Variants in ZCCHC8 observed in about 807,000 individuals in gnomAD.
ZCCHC8 encodes the protein zinc finger CCHC-type containing 8, also known as zinc finger CCHC domain-containing protein 8.
In ZCCHC8, 27 loss-of-function variants were observed where a neutral mutation model predicts 70.6. The ratio of observed to expected loss-of-function variants is 0.38; its 90% CI spans 0.28 to 0.53. The LOEUF (loss-of-function observed/expected upper bound fraction) is 0.53. Ranked by LOEUF, ZCCHC8 falls within the 20% of genes least tolerant of loss-of-function variation. The pLI is 0.81. For synonymous variants in ZCCHC8, 293 were observed against 317.4 expected, an observed-to-expected ratio of 0.92 and a Z score of 0.82; for missense variants, 737 against 876.9, an observed-to-expected ratio of 0.84 and a Z score of 2.01.
At position 122,500,907 on chromosome 12, in the gene ZCCHC8, A is replaced by T. The variant is rs949561858; in HGVS notation, c.-67T>A. The T allele has an allele frequency of 1.5e-5, 22 of 1,503,828 alleles. No individual in the cohort carries two copies. The highest frequency in any genetic ancestry group is 1.8e-5 in the Non-Finnish European group (20 of 1,111,032). 93.2% of individuals were successfully genotyped at this position (1,503,828 alleles called of 1,614,324 possible). ...ACCAGGGCTTGGGGAAGAAGGTTGG[A>T]AGGCGGCACCACTCTCTAGAGCTCT... On this transcript the variant is annotated 5_prime_UTR_variant, in exon 1 of 14. Transcript: ENST00000633063. This position sits in a 1 kb window ranked among gnomAD's most constrained non-coding sequence, Gnocchi z 4.8.
At chr12:122,480,533 A>G (rs1236989911) in intron 10 of ZCCHC8, 5 of 359,628 alleles carry the variant, frequency 1.4e-5, no homozygotes, top group South Asian at 4.3e-5. Context: ...GTGCAGTGGC[A>G]CCATCTTGGC....
chr12:122,498,189 G>C (rs1041830738), intron 2 of ZCCHC8, among the ~76,000 whole-genome samples: 1 of 120,712 alleles, frequency 8.3e-6, no homozygotes, highest in African/African-American at 3.3e-5. Context: ...ACGGAGTTTC[G>C]CTCTTGTCAC....
rs147628688 is a variant in ZCCHC8, at chr12:122,482,471, C to A, written c.732+164G>T. ...ATTATTTACTGAAAAAATTTAATGTCTTAAAATATGAACACAAATTTGAAA... is the reference window on the plus strand; with the variant it reads ...ATTATTTACTGAAAAAATTTAATGTATTAAAATATGAACACAAATTTGAAA... On this transcript the variant is annotated intron_variant, in intron 8 of 13. Transcript: ENST00000633063. 1,422 of 488,678 alleles carry A rather than the reference C, an allele frequency of 2.9e-3. 35 individuals are homozygous for A. The East Asian group carries it at 0.044, about 15-fold the overall frequency. The allele number at this position is 488,678 out of a possible 1,614,324, so 30.3% of individuals were successfully genotyped here. A position where few individuals can be genotyped will look rare whatever the true frequency, so the allele number is the denominator to read the frequency against.
At chr12:122,479,368 C>T (rs548936724) in intron 11 of ZCCHC8, among the ~76,000 whole-genome samples, 11 of 152,272 alleles carry the variant, frequency 7.2e-5, no homozygotes, top group African/African-American at 2.6e-4. Flanking sequence ...CGGGCCACTG[C>T]GCCGGCCAAG....
chr12:122,500,072 A>C lies in ZCCHC8; in HGVS notation c.199+570T>G, dbSNP rs1957896240. 1.3e-5 allele frequency: 2 copies of C among 152,624 alleles called. No individual in the cohort carries two copies. The highest frequency in any genetic ancestry group is 4.8e-5 in the African/African-American group (2 of 41,434). 9.5% of individuals were successfully genotyped at this position (152,624 alleles called of 1,614,324 possible). ...CGTTGCAAAGCATCTTCAGCACAGA[A>C]GCGAGCTCCGAGTGGAAGAACTCTA... On this transcript the variant is annotated intron_variant, in intron 1 of 13. Coordinates refer to ENST00000633063, the MANE Select transcript of ZCCHC8 (RefSeq NM_017612.5). The surrounding 1 kb of genome is among the most constrained non-coding windows in gnomAD (Gnocchi z 4.8).
intron 13 of ZCCHC8, among the ~76,000 whole-genome samples, chr12:122,475,380 A>G (rs1470444227): frequency 6.6e-6 from 1 of 152,116 alleles, no homozygotes; most frequent in Non-Finnish European, 1.5e-5. Context: ...TGCTCGCCTG[A>G]ACTGCAGGTT....
intron 2 of ZCCHC8, among the ~76,000 whole-genome samples, chr12:122,495,417 G>A (rs976358713): frequency 2.6e-5 from 4 of 152,188 alleles, no homozygotes; most frequent in Admixed American, 6.5e-5. Flanking sequence ...CTTGAACCCA[G>A]AAGTCAAAGG....
chr12:122,474,160 T>G lies in ZCCHC8; in HGVS notation c.1461A>C (p.Pro487=). The G allele has an allele frequency of 6.6e-7, 1 of 1,511,632 alleles. No homozygotes were observed. Among genetic ancestry groups the G allele is most frequent in the Admixed American group, 2.4e-5 (1 of 41,074 alleles). 93.6% of individuals were successfully genotyped at this position (1,511,632 alleles called of 1,614,324 possible). A position where few individuals can be genotyped will look rare whatever the true frequency, so the allele number is the denominator to read the frequency against. ...RGTPPPVFTP[P]LPKGTPPLTP... ...TCAGCGGCGGGGTGCCCTTTGGGAG[T>G]GGAGGGGTGAAGACGGGTGGAGGAG... The change falls in exon 14 of 14, where the codon CCA becomes CCC. Residue 487 remains proline (P), a synonymous_variant. Coordinates refer to ENST00000633063, the MANE Select transcript of ZCCHC8 (RefSeq NM_017612.5).
intron 1 of ZCCHC8, chr12:122,499,483 ACCTCCTGATCCTCATGAT>A (rs1267483670): frequency 3.9e-5 from 6 of 152,506 alleles, no homozygotes; most frequent in African/African-American, 1.2e-4. Context: ...GGCCAGGCTG[ACCTCCTGATCCTCATGAT>A]CCACCTGATC....
At position 122,500,707 on chromosome 12, in the gene ZCCHC8, C is replaced by A; in HGVS notation, c.134G>T (p.Gly45Val). ...AAGCCGCTCCCGTAGCTCCGCGTCG[C>A]CGACCCCATTTTCGTCCTCCTCGTC... ...DGDEEDENGV[G>V]DAELRERLRQ... Residue 45 changes from glycine (G) to valine (V), a missense_variant, in exon 1 of 14, where the codon GGC becomes GTC. Gly to Val is a moderately radical substitution (Grantham distance 109, BLOSUM62 -3). Coordinates refer to ENST00000633063, the MANE Select transcript of ZCCHC8 (RefSeq NM_017612.5). The surrounding 1 kb of genome is among the most constrained non-coding windows in gnomAD (Gnocchi z 4.8). 6.3e-7 allele frequency: 1 copy of A among 1,582,476 alleles called. No individual in the cohort carries two copies. The highest frequency in any genetic ancestry group is 8.6e-7 in the Non-Finnish European group (1 of 1,164,846).
At chr12:122,495,293 C>T (rs1957809196) in intron 2 of ZCCHC8, among the ~76,000 whole-genome samples, 1 of 152,040 alleles carries the variant, frequency 6.6e-6, no homozygotes, top group South Asian at 2.1e-4. Flanking sequence ...AGCTGGAGAC[C>T]AGCTTGGCCA....
chr12:122,477,790 CAAAAAAA>C lies in ZCCHC8; in HGVS notation c.1345+44_1345+50del, dbSNP rs145158700. 4.1e-4 allele frequency: 416 copies of C among 1,006,368 alleles called. 1 individual carries two copies. The Admixed American group carries it at 5.4e-3, about 13-fold the overall frequency. 62.3% of individuals were successfully genotyped at this position (1,006,368 alleles called of 1,614,324 possible). The stretch of plus-strand genomic sequence containing the variant: ...GGGTGACAAGAGTGAGACTCCATCT[CAAAAAAA>C]AAAAAAAAAAAGAGAGAAATCAGAG... On this transcript the variant is annotated intron_variant, in intron 13 of 13. Transcript: ENST00000633063.
At chr12:122,477,141 A>C (rs1957434720) in intron 13 of ZCCHC8, among the ~76,000 whole-genome samples, 1 of 151,698 alleles carries the variant, frequency 6.6e-6, no homozygotes, top group Non-Finnish European at 1.5e-5. Flanking sequence ...TTGAACTTTA[A>C]GGGAATTTAA....
intron 4 of ZCCHC8, among the ~76,000 whole-genome samples, chr12:122,490,126 T>C (rs1957719422): frequency 6.6e-6 from 1 of 151,920 alleles, no homozygotes; most frequent in African/African-American, 2.4e-5. Flanking sequence ...TAAAAACAAG[T>C]AGAGGGAAAA....
intron 13 of ZCCHC8, among the ~76,000 whole-genome samples, chr12:122,475,245 A>G (rs1957396106): frequency 1.3e-5 from 2 of 151,898 alleles, no homozygotes; most frequent in South Asian, 4.2e-4. Context: ...GGGTTTCTCC[A>G]TGTTGGCCAG....
intron 1 of ZCCHC8, 130 bp from the exon 2 acceptor site, chr12:122,498,999 A>C: frequency 1.2e-6 from 1 of 846,962 alleles, no homozygotes; most frequent in Non-Finnish European, 1.9e-6. Context: ...TGAGGATGAC[A>C]CACTTATTGA....
Position 122,477,919 on chromosome 12 carries a change from A to C in ZCCHC8, c.1267T>G (p.Ser423Ala), listed in dbSNP as rs751737757. Residue 423 changes from serine (S) to alanine (A), a missense_variant, in exon 13 of 14, where the codon TCT becomes GCT. Ser to Ala is a moderately conservative substitution (Grantham distance 99). Transcript: ENST00000633063. Reference sequence around the variant, plus strand: ...TGCTTCTTTGGACTACCTGGGCTAGAGTGAGATGAAGACCTCTTGTTGCCA... The same window carrying C: ...TGCTTCTTTGGACTACCTGGGCTAGCGTGAGATGAAGACCTCTTGTTGCCA... ...KSGNKRSSSHSSPGSPKKQKN... is the reference protein window; with the variant it reads ...KSGNKRSSSHASPGSPKKQKN... The C allele has an allele frequency of 6.2e-7, 1 of 1,613,902 alleles. No homozygotes were observed. Among genetic ancestry groups the C allele is most frequent in the Admixed American group, 1.7e-5 (1 of 60,006 alleles).
chr12:122,489,589 G>T, intron 4 of ZCCHC8, 126 bp from the exon 5 acceptor site: 2 of 846,664 alleles, frequency 2.4e-6, no homozygotes, highest in South Asian at 1.5e-5. Context: ...GAGAATGGAA[G>T]ATGTAAAAGG....
chr12:122,496,781 C>A (rs1012325562), intron 2 of ZCCHC8, among the ~76,000 whole-genome samples: 1 of 152,024 alleles, frequency 6.6e-6, no homozygotes, highest in Non-Finnish European at 1.5e-5. Flanking sequence ...GCCATTGTGC[C>A]CAGCCAAAAA....
Sources: allele counts gnomAD v4.1 joint callset (sites outside exome capture counted in the v4.1 genomes callset), GRCh38; gene constraint gnomAD v4.1.1; non-coding constraint Gnocchi (gnomAD v3.1); transcripts MANE v1.5; gene names NCBI Gene and HGNC (gene_info 2026-07-23, HGNC 2026-07-21).